The following REV3L variants were observed in gnomAD, a reference collection of about 807,000 sequenced individuals.
REV3L encodes the protein DNA polymerase zeta catalytic subunit.
A neutral mutation model predicts 299.4 loss-of-function variants in REV3L; 69 were observed. The ratio of observed to expected loss-of-function variants is 0.23; its 90% CI spans 0.19 to 0.28. The LOEUF (loss-of-function observed/expected upper bound fraction) is 0.28. REV3L is among the 10% of genes least tolerant of loss of function. REV3L has a pLI of 1.00. For synonymous variants in REV3L, 1,238 were observed against 1,271.4 expected, an observed-to-expected ratio of 0.97 and a Z score of 0.56; for missense variants, 3,128 against 3,693.8, an observed-to-expected ratio of 0.85 and a Z score of 3.97.
intron 1 of REV3L, among the ~76,000 whole-genome samples, chr6:111,420,879 C>A (rs1327707390): frequency 6.6e-6 from 1 of 152,164 alleles, no homozygotes; most frequent in African/African-American, 2.4e-5. Context: ...TGGTGGCTCA[C>A]GCCTGTAATC....
At chr6:111,382,347 C>T (rs183941379) in intron 9 of REV3L, among the ~76,000 whole-genome samples, 247 of 152,274 alleles carry the variant, frequency 1.6e-3, no homozygotes, top group African/African-American at 5.5e-3. Context: ...CTGACAGCAC[C>T]TCCCATCTCT....
chr6:111,379,662 C>T (rs1260595456), intron 11 of REV3L, among the ~76,000 whole-genome samples: 1 of 152,346 alleles, frequency 6.6e-6, no homozygotes, highest in Middle Eastern at 3.4e-3. Context: ...TCAACTATCA[C>T]AGGGCATTCT....
In REV3L at chr6:111,373,466, T is replaced by G; in HGVS notation, c.4889A>C (p.Glu1630Ala). Residue 1630 changes from glutamate to alanine, a missense_variant, in exon 13 of 32, where the codon GAA (glutamate) becomes GCA (alanine). Physicochemically the swap from Glu to Ala is moderately radical, Grantham distance 107. This residue lies in a region of REV3L where 2,409 missense variants were observed against 2,611.8 expected (regional missense o/e 0.92). Transcript: ENST00000368802. The stretch of plus-strand genomic sequence containing the variant: ...ACTATCTTCAAGTGAGTAACAACTT[T>G]CAAAGCCTGGATCTGAAAAAAAGAT... The part of the protein sequence containing the change: ...SPIFFSDPGF[E>A]SCYSLEDSLS... 6.2e-7 allele frequency: 1 copy of G among 1,613,734 alleles called. No homozygotes were observed. The highest frequency in any genetic ancestry group is 1.3e-5 in the African/African-American group (1 of 75,018).
intron 25 of REV3L, among the ~76,000 whole-genome samples, chr6:111,324,705 C>T (rs573642574): frequency 6.6e-5 from 10 of 151,912 alleles, no homozygotes; most frequent in Non-Finnish European, 1.0e-4. Context: ...GAGGGGGAGG[C>T]GGAAGAGGGA....
At chr6:111,470,211 C>CAA (rs869081378) in intron 1 of REV3L, among the ~76,000 whole-genome samples, 1 of 131,380 alleles carries the variant, frequency 7.6e-6, no homozygotes, top group Non-Finnish European at 1.6e-5. Context: ...CACACACACA[C>CAA]AAATGTGAAT....
At chr6:111,303,165 C>CTTTCTTTCTTTTT (rs4038141) in intron 31 of REV3L, among the ~76,000 whole-genome samples, 31 of 92,336 alleles carry the variant, frequency 3.4e-4, no homozygotes, top group African/African-American at 1.2e-3. Context: ...TCTTTTCTTT[C>CTTTCTTTCTTTTT]TTTTTTTTTT....
At chr6:111,483,244 G>A (rs1231211061), upstream of REV3L, 34 of 478,368 alleles carry the variant, frequency 7.1e-5, no homozygotes, top group Middle Eastern at 2.7e-3. Context: ...GGGGAGGGGA[G>A]AGGGGGGTGT....
chr6:111,435,084 A>T (rs764202365), intron 1 of REV3L, among the ~76,000 whole-genome samples: 4 of 152,176 alleles, frequency 2.6e-5, no homozygotes, highest in Non-Finnish European at 5.9e-5. Flanking sequence ...ACACGCCTAT[A>T]GTCCCAGCTA....
At chr6:111,417,516 A>T (rs1784899965) in intron 1 of REV3L, among the ~76,000 whole-genome samples, 1 of 152,110 alleles carries the variant, frequency 6.6e-6, no homozygotes, top group South Asian at 2.1e-4. Flanking sequence ...TCCTGCCAAC[A>T]CAAGCCTCAG....
intron 29 of REV3L, chr6:111,310,866 T>C: frequency 2.4e-6 from 1 of 423,904 alleles, no homozygotes; most frequent in Non-Finnish European, 4.1e-6. Flanking sequence ...TGCATAAGTT[T>C]CTGAAGGAAA....
intron 16 of REV3L, among the ~76,000 whole-genome samples, chr6:111,361,919 A>G (rs1778731746): frequency 6.6e-6 from 1 of 152,190 alleles, no homozygotes; most frequent in Admixed American, 6.5e-5. Context: ...TGTCAGAGCA[A>G]CCAGTGAGAC....
chr6:111,301,642 T>G (rs1771537292), intron 31 of REV3L, among the ~76,000 whole-genome samples: 1 of 152,180 alleles, frequency 6.6e-6, no homozygotes, highest in Non-Finnish European at 1.5e-5. Flanking sequence ...TCTCCAGGCA[T>G]GAAAGCCTAA....
At chr6:111,452,411 A>G (rs954777755) in intron 1 of REV3L, among the ~76,000 whole-genome samples, 2 of 152,218 alleles carry the variant, frequency 1.3e-5, no homozygotes, top group Admixed American at 6.5e-5. Flanking sequence ...TGCTTTATTC[A>G]TAACAGCCCA....
chr6:111,306,285 G>A (rs888918820), intron 31 of REV3L, among the ~76,000 whole-genome samples: 1 of 152,160 alleles, frequency 6.6e-6, no homozygotes, highest in Non-Finnish European at 1.5e-5. Flanking sequence ...CTGGCAGAAG[G>A]AGCAGGGTGT....
At chr6:111,317,716 G>A (rs1000107048) in intron 26 of REV3L, among the ~76,000 whole-genome samples, 15 of 152,190 alleles carry the variant, frequency 9.9e-5, no homozygotes, top group African/African-American at 2.7e-4. Flanking sequence ...TGTAATCCCA[G>A]CAACTCTGGA....
chr6:111,372,924 G>A lies in REV3L; in HGVS notation c.5431C>T (p.Leu1811Phe). 1 of 1,614,070 alleles carries A rather than the reference G, an allele frequency of 6.2e-7. No homozygotes were observed. Among genetic ancestry groups the A allele is most frequent in the Non-Finnish European group, 8.5e-7 (1 of 1,180,004 alleles). Residue 1811 changes from leucine to phenylalanine, a missense_variant, in exon 13 of 32, where the codon CTT becomes TTT. Physicochemically the swap from Leu to Phe is conservative, Grantham distance 22. Transcript: ENST00000368802. ...GTAAAAGAGGTATTGGCTGAGTCAA[G>A]AGACTGTCCCATTTCTTTTCTGGTG... ...GHTRKEMGQS[L>F]DSANTSFTAI...
At position 111,374,400 on chromosome 6, in the gene REV3L, G is replaced by A. The variant is rs763112147; in HGVS notation, c.3955C>T (p.His1319Tyr). The change falls in exon 13 of 32, where the codon CAT becomes TAT. Residue 1319 changes from histidine to tyrosine, a missense_variant. Around this residue, in one of 9 missense-constraint regions of REV3L, gnomAD observed 2,409 missense variants for 2,611.8 expected, o/e 0.92. Transcript: ENST00000368802. ...ATAGAATTACAAACAACTGATGGAT[G>A]CAAATCATCTCGTGAACTGGGGAAT... is the stretch of plus-strand genomic sequence containing the variant. ...QTFPSSRDDL[H>Y]PSVVCNSIGP... The A allele has an allele frequency of 4.0e-5, 64 of 1,613,852 alleles. 1 individual carries two copies. In the East Asian group the frequency reaches 1.4e-3, roughly 36 times the overall value.
intron 20 of REV3L, 83 bp downstream of exon 20, chr6:111,349,135 T>A: frequency 2.8e-6 from 2 of 714,206 alleles, no homozygotes; most frequent in Non-Finnish European, 4.8e-6. Context: ...ATATAGTAAA[T>A]CTTACTAATA....
chr6:111,431,018 T>A (rs1786851844), intron 1 of REV3L: 7 of 1,562,456 alleles, frequency 4.5e-6, no homozygotes, highest in Non-Finnish European at 6.1e-6. Context: ...GTCACTCCAG[T>A]GTTATATTTG....
Sources: gnomAD v4.1 joint callset for allele counts (sites outside exome capture counted in the v4.1 genomes callset) on GRCh38, gnomAD v4.1.1 for gene constraint, gnomAD v4.1.1 regional missense constraint, MANE v1.5 for transcripts, NCBI Gene and HGNC (gene_info 2026-07-23, HGNC 2026-07-21) for gene names.